The following SYNPO2L variants were observed in gnomAD, a reference collection of about 807,000 sequenced individuals.
SYNPO2L encodes synaptopodin 2 like.
A neutral mutation model predicts 47.5 loss-of-function variants in SYNPO2L; 34 were observed. The observed-to-expected ratio is 0.72, with a 90% CI of 0.54 to 0.95. The LOEUF is 0.95. Ranked by LOEUF, SYNPO2L falls within the 40% of genes least tolerant of loss-of-function variation. The pLI is 0.00. For missense variants in SYNPO2L, 1,246 were observed against 1,282.0 expected (o/e 0.97, Z 0.43); for synonymous variants, 536 against 524.9 (o/e 1.02, Z -0.29).
At position 73,647,987 on chromosome 10, in the gene SYNPO2L, A is replaced by T. The variant is rs776237409; in HGVS notation, c.1665T>A (p.Pro555=). ...CTCCACCTGGGGTGACAGGCCGACT[A>T]GGGGCTGGGATGTACAGGGAGCTGG... The part of the protein sequence containing the change: ...TATSSLYIPA[P]SRPVTPGGAP... Residue 555 remains proline (P), a synonymous_variant, in exon 4 of 4, where the codon CCT becomes CCA. Coordinates refer to ENST00000394810, the MANE Select transcript of SYNPO2L (RefSeq NM_001114133.3). 6.5e-7 allele frequency: 1 copy of T among 1,549,584 alleles called. No individual in the cohort carries two copies. The highest frequency in any genetic ancestry group is 8.7e-7 in the Non-Finnish European group (1 of 1,150,368).
rs542375880 is a variant in SYNPO2L at position 73,655,158 on chromosome 10, T to C, written c.105+660A>G. ...GCACTGTGCTACATGTATTATTGCATTTAATCCTTAGAATGGTTCCATGAA... is the reference window on the plus strand; with the variant it reads ...GCACTGTGCTACATGTATTATTGCACTTAATCCTTAGAATGGTTCCATGAA... On this transcript the variant is annotated intron_variant, in intron 1 of 3. Transcript: ENST00000394810. Among the ~76,000 whole-genome samples the C allele has an allele frequency of 2.0e-5, 3 of 152,374 alleles. No homozygotes were observed. In the South Asian group the frequency reaches 6.2e-4, roughly 32 times the overall value.
rs1160072488 is a variant in SYNPO2L, at chr10:73,655,836, T to C, written c.87A>G (p.Lys29=). The C allele has an allele frequency of 5.2e-6, 8 of 1,549,954 alleles. No individual in the cohort carries two copies. The highest frequency in any genetic ancestry group is 7.0e-6 in the Non-Finnish European group (8 of 1,146,430). ...FRLHGGAEQR[K]PLQVSKIRRR... ...CCCTTACCTTAGACACCTGTAACGGTTTCCTCTGCTCGGCCCCCCCATGAA... is the reference window on the plus strand; with the variant it reads ...CCCTTACCTTAGACACCTGTAACGGCTTCCTCTGCTCGGCCCCCCCATGAA... Residue 29 remains lysine, a synonymous_variant, in exon 1 of 4, where the codon AAA becomes AAG. Coordinates refer to ENST00000394810, the MANE Select transcript of SYNPO2L (RefSeq NM_001114133.3).
At position 73,647,876 on chromosome 10, in the gene SYNPO2L, C is replaced by T. The variant is rs770534757; in HGVS notation, c.1776G>A (p.Ala592=). The T allele has an allele frequency of 2.1e-5, 32 of 1,532,160 alleles. No individual in the cohort carries two copies. The highest frequency in any genetic ancestry group is 1.8e-4 in the Middle Eastern group (1 of 5,524). 94.9% of individuals were successfully genotyped at this position (1,532,160 alleles called of 1,614,324 possible). The part of the protein sequence containing the change: ...IFLSAPLRPS[A]RPEAPAPGPG... ...GGCCTGGGGCAGGCGCCTCTGGGCG[C>T]GCAGAGGGTCGCAAAGGCGCAGATA... Residue 592 remains alanine (A), a synonymous_variant, in exon 4 of 4, where the codon GCG becomes GCA. Transcript: ENST00000394810.
In SYNPO2L at chr10:73,655,850, C is replaced by T. The variant is rs2081875070; in HGVS notation, c.73G>A (p.Ala25Thr). ...ACCTGTAACGGTTTCCTCTGCTCGG[C>T]CCCCCCATGAAGTCGGAAGCCCCAG... is the stretch of plus-strand genomic sequence containing the variant. Reference protein sequence around the residue: ...APWGFRLHGGAEQRKPLQVSK... With the variant: ...APWGFRLHGGTEQRKPLQVSK... Residue 25 changes from alanine to threonine, a missense_variant, in exon 1 of 4, where the codon GCC becomes ACC. Physicochemically the swap from Ala to Thr is moderately conservative, Grantham distance 58. Around this residue, in one of 3 missense-constraint regions of SYNPO2L, gnomAD observed 61 missense variants for 55.6 expected, o/e 1.10. Coordinates refer to ENST00000394810, the MANE Select transcript of SYNPO2L (RefSeq NM_001114133.3). 1.3e-6 allele frequency: 2 copies of T among 1,550,744 alleles called. No individual in the cohort carries two copies. The highest frequency in any genetic ancestry group is 1.7e-6 in the Non-Finnish European group (2 of 1,146,744).
At position 73,645,796 on chromosome 10, in the gene SYNPO2L, T is replaced by C; in HGVS notation, c.*922A>G. The C allele has an allele frequency of 4.1e-6, 4 of 985,964 alleles. No individual in the cohort carries two copies. Among genetic ancestry groups the C allele is most frequent in the Non-Finnish European group, 4.8e-6 (4 of 830,034 alleles). The allele number at this position is 985,964 out of a possible 1,614,324, so 61.1% of individuals were successfully genotyped here. A position where few individuals can be genotyped will look rare whatever the true frequency, so the allele number is the denominator to read the frequency against. On this transcript the variant is annotated 3_prime_UTR_variant, in exon 4 of 4. Transcript: ENST00000394810. The stretch of plus-strand genomic sequence containing the variant: ...TGGGGATATCTGACCCTTCTATCAG[T>C]ACAACGATAAGACTCAGATTGGGTC...
At chr10:73,655,774 G>T in intron 1 of SYNPO2L, 44 bp downstream of exon 1, 2 of 1,227,916 alleles carry the variant, frequency 1.6e-6, no homozygotes, top group Non-Finnish European at 2.2e-6. Flanking sequence ...AGGATCCCTT[G>T]GGTTCCCTTT....
chr10:73,653,155 C>T lies in SYNPO2L; in HGVS notation c.756G>A (p.Gln252=). The T allele has an allele frequency of 2.1e-6, 3 of 1,447,624 alleles. No individual in the cohort carries two copies. The highest frequency in any genetic ancestry group is 1.4e-5 in the African/African-American group (1 of 69,894). The allele number at this position is 1,447,624 out of a possible 1,614,324, so 89.7% of individuals were successfully genotyped here. The change falls in exon 3 of 4, where the codon CAG becomes CAA. Residue 252 remains glutamine (Q), a synonymous_variant. Coordinates refer to ENST00000394810, the MANE Select transcript of SYNPO2L (RefSeq NM_001114133.3). Reference sequence around the variant, plus strand: ...GGCACTCACTGGCTTGCTTGGCCTTCTGGGTGTAGGTGGTAGTAAGATCTT... The same window carrying T: ...GGCACTCACTGGCTTGCTTGGCCTTTTGGGTGTAGGTGGTAGTAAGATCTT... ...VAEDLTTTYT[Q]KAKQAKLQRA...
intron 3 of SYNPO2L, among the ~76,000 whole-genome samples, chr10:73,651,841 C>T (rs368355230): frequency 3.5e-4 from 53 of 152,042 alleles, no homozygotes; most frequent in Non-Finnish European, 5.3e-4. Flanking sequence ...TTTGGGAGGC[C>T]GAGGCGGGTG....
Position 73,648,503 on chromosome 10 carries a change from G to A in SYNPO2L, c.1149C>T (p.Val383=), listed in dbSNP as rs960623861. 1.2e-6 allele frequency: 2 copies of A among 1,613,746 alleles called. No individual in the cohort carries two copies. The highest frequency in any genetic ancestry group is 2.7e-5 in the African/African-American group (2 of 74,940). The change falls in exon 4 of 4, where the codon GTC becomes GTT. Residue 383 remains valine, a synonymous_variant. Transcript: ENST00000394810. ...CAAAGAGCTGCACCCCTCGCCCAGA[G>A]ACCTCACTCAGCTGCCCTCCCAGCC... ...GSGLGGQLSE[V]SGRGVQLFEQ... is the part of the protein sequence containing the mutation.
At position 73,650,455 on chromosome 10, in the gene SYNPO2L, G is replaced by A. The variant is rs376821703; in HGVS notation, c.773-1576C>T. On this transcript the variant is annotated intron_variant, in intron 3 of 3. Transcript: ENST00000394810. ...AAGTTCGGTTTCCTCATCTGTAAAT[G>A]AGGGTAGACAATGGCTACCTCATAG... Among the ~76,000 whole-genome samples, 11 of 152,320 alleles carry A rather than the reference G, an allele frequency of 7.2e-5. No individual in the cohort carries two copies. The East Asian group carries it at 1.4e-3, about 19-fold the overall frequency.
rs1589455508 is a variant in SYNPO2L, at chr10:73,653,241, G to T, written c.670C>A (p.Pro224Thr). The change falls in exon 3 of 4, where the codon CCC becomes ACC. Residue 224 changes from proline (P) to threonine (T), a missense_variant. Pro to Thr is a conservative substitution (Grantham distance 38, BLOSUM62 -1). This residue lies in a region of SYNPO2L where 1,037 missense variants were observed against 1,021.5 expected (regional missense o/e 1.02). Coordinates refer to ENST00000394810, the MANE Select transcript of SYNPO2L (RefSeq NM_001114133.3). The part of the protein sequence containing the change: ...PAEALLLPHG[P>T]LRPGPHLIPM... ...ATGAGATGAGGACCAGGTCGGAGGG[G>T]GCCATGGGGTAACAGCAGAGCCTCA... 1.3e-6 allele frequency: 2 copies of T among 1,538,428 alleles called. No individual in the cohort carries two copies. The highest frequency in any genetic ancestry group is 4.9e-5 in the East Asian group (2 of 40,774).
chr10:73,647,269 G>A lies in SYNPO2L; in HGVS notation c.2383C>T (p.Leu795=). Residue 795 remains leucine, a synonymous_variant, in exon 4 of 4, where the codon CTG becomes TTG. Transcript: ENST00000394810. ...RPRSPSPTPS[L]PPSWKYSPNI... is the part of the protein sequence containing the mutation. Reference sequence around the variant, plus strand: ...GGTGAATATTTCCAGGAAGGGGGCAGAGACGGGGTAGGAGAAGGACTTCTA... The same window carrying A: ...GGTGAATATTTCCAGGAAGGGGGCAAAGACGGGGTAGGAGAAGGACTTCTA... 1 of 1,614,090 alleles carries A rather than the reference G, an allele frequency of 6.2e-7. No individual in the cohort carries two copies.
chr10:73,645,996 T>C lies in SYNPO2L; in HGVS notation c.*722A>G. Reference sequence around the variant, plus strand: ...CTCGCCACCACGCCCAGCTAATTTTTTGTATTTTTAGTGGAAATGGGGTTT... The same window carrying C: ...CTCGCCACCACGCCCAGCTAATTTTCTGTATTTTTAGTGGAAATGGGGTTT... On this transcript the variant is annotated 3_prime_UTR_variant, in exon 4 of 4. Transcript: ENST00000394810. 2.2e-6 allele frequency: 2 copies of C among 895,732 alleles called. No homozygotes were observed. Among genetic ancestry groups the C allele is most frequent in the Non-Finnish European group, 2.7e-6 (2 of 747,872 alleles). 55.5% of individuals were successfully genotyped at this position (895,732 alleles called of 1,614,324 possible).
chr10:73,646,265 G>A lies in SYNPO2L; in HGVS notation c.*453C>T. Reference sequence around the variant, plus strand: ...AGCTTGGGAAAGCAGAGTGGGGGGTGGGGGTGGCTTAGTGCAAACAGGGGT... The same window carrying A: ...AGCTTGGGAAAGCAGAGTGGGGGGTAGGGGTGGCTTAGTGCAAACAGGGGT... On this transcript the variant is annotated 3_prime_UTR_variant, in exon 4 of 4. Coordinates refer to ENST00000394810, the MANE Select transcript of SYNPO2L (RefSeq NM_001114133.3). 1.0e-6 allele frequency: 1 copy of A among 993,224 alleles called. No homozygotes were observed. The highest frequency in any genetic ancestry group is 1.2e-6 in the Non-Finnish European group (1 of 835,860). The allele number at this position is 993,224 out of a possible 1,614,324, so 61.5% of individuals were successfully genotyped here. A position where few individuals can be genotyped will look rare whatever the true frequency, so the allele number is the denominator to read the frequency against.
At position 73,645,384 on chromosome 10, in the gene SYNPO2L, C is replaced by A; in HGVS notation, c.*1334G>T. 2.0e-6 allele frequency: 2 copies of A among 1,018,048 alleles called. No individual in the cohort carries two copies. The highest frequency in any genetic ancestry group is 2.3e-6 in the Non-Finnish European group (2 of 851,554). 63.1% of individuals were successfully genotyped at this position (1,018,048 alleles called of 1,614,324 possible). Reference sequence around the variant, plus strand: ...CCTCGCCACACTTCTGTCTGTGGCTCAATCACTTACACTCATTTCTGCCAT... The same window carrying A: ...CCTCGCCACACTTCTGTCTGTGGCTAAATCACTTACACTCATTTCTGCCAT... On this transcript the variant is annotated 3_prime_UTR_variant, in exon 4 of 4. Transcript: ENST00000394810.
chr10:73,653,469 G>A lies in SYNPO2L; in HGVS notation c.442C>T (p.Pro148Ser). ...CGACGGGGCTTCTCCTGGGTGGCAG[G>A]GCCATCAGCATCACTGTCAGTCTCT... Reference protein sequence around the residue: ...YGETDSDADGPATQEKPRRPR... With the variant: ...YGETDSDADGSATQEKPRRPR... The change falls in exon 3 of 4, where the codon CCT (proline) becomes TCT (serine). Residue 148 changes from proline (P) to serine (S), a missense_variant. Coordinates refer to ENST00000394810, the MANE Select transcript of SYNPO2L (RefSeq NM_001114133.3). 1 of 1,551,626 alleles carries A rather than the reference G, an allele frequency of 6.4e-7. No homozygotes were observed.
At position 73,645,715 on chromosome 10, in the gene SYNPO2L, A is replaced by T; in HGVS notation, c.*1003T>A. 1 of 985,884 alleles carries T rather than the reference A, an allele frequency of 1.0e-6. No homozygotes were observed. Among genetic ancestry groups the T allele is most frequent in the Non-Finnish European group, 1.2e-6 (1 of 830,002 alleles). The allele number at this position is 985,884 out of a possible 1,614,324, so 61.1% of individuals were successfully genotyped here. A position where few individuals can be genotyped will look rare whatever the true frequency, so the allele number is the denominator to read the frequency against. ...AAGATGCTGTACACCTGCTACAGAC[A>T]TTGGTCTCTAAGGAGTTATTCTCTA... On this transcript the variant is annotated 3_prime_UTR_variant, in exon 4 of 4. Transcript: ENST00000394810.
At chr10:73,652,391 G>A (rs1325015093) in intron 3 of SYNPO2L, among the ~76,000 whole-genome samples, 1 of 151,784 alleles carries the variant, frequency 6.6e-6, no homozygotes, top group African/African-American at 2.4e-5. Flanking sequence ...GGCTTCTGCC[G>A]GGCATGGTGG....
Position 73,655,972 on chromosome 10 carries a change from A to G in SYNPO2L, c.-50T>C. On this transcript the variant is annotated 5_prime_UTR_variant, in exon 1 of 4. Transcript: ENST00000394810. Reference sequence around the variant, plus strand: ...GGAGTTTGAACAGTGTCCCCAGGAGAGAAGTTGAGGTGCTCGAACCCCGTC... The same window carrying G: ...GGAGTTTGAACAGTGTCCCCAGGAGGGAAGTTGAGGTGCTCGAACCCCGTC... 1 of 1,491,262 alleles carries G rather than the reference A, an allele frequency of 6.7e-7. No individual in the cohort carries two copies. 92.4% of individuals were successfully genotyped at this position (1,491,262 alleles called of 1,614,324 possible). A position where few individuals can be genotyped will look rare whatever the true frequency, so the allele number is the denominator to read the frequency against.
Sources: allele counts gnomAD v4.1 joint callset (sites outside exome capture counted in the v4.1 genomes callset), GRCh38; gene constraint gnomAD v4.1.1; regional missense constraint gnomAD v4.1.1; transcripts MANE v1.5; gene names NCBI Gene and HGNC (gene_info 2026-07-23, HGNC 2026-07-21).